Variants in MORC1 observed in about 807,000 individuals in gnomAD.
MORC1 encodes the protein MORC family CW-type zinc finger 1.
In MORC1, 59 loss-of-function variants were observed where a neutral mutation model predicts 134.9. That is an observed-to-expected ratio of 0.44 (90% CI 0.35 to 0.54). The LOEUF (loss-of-function observed/expected upper bound fraction) is 0.54, where lower values mean the gene tolerates loss of function less well. MORC1 is among the 20% of genes least tolerant of loss of function. MORC1 has a pLI of 0.00. For missense variants in MORC1, 947 were observed against 1,134.5 expected, an observed-to-expected ratio of 0.83 and a Z score of 2.37; for synonymous variants, 395 against 391.7, an observed-to-expected ratio of 1.01 and a Z score of -0.10.
intron 14 of MORC1, among the ~76,000 whole-genome samples, chr3:109,054,515 C>G (rs1292944202): frequency 6.6e-6 from 1 of 152,148 alleles, no homozygotes; most frequent in Non-Finnish European, 1.5e-5. Context: ...TTGCCATTCC[C>G]TTGCAATTTC....
chr3:109,032,558 T>C (rs2305237), intron 16 of MORC1, among the ~76,000 whole-genome samples, 162 bp downstream of exon 16: 64,238 of 151,954 alleles, frequency 0.42, 14,282 homozygotes, highest in Middle Eastern at 0.55. Flanking sequence ...AGCACGCCAA[T>C]GAAATAATCT....
intron 15 of MORC1, among the ~76,000 whole-genome samples, chr3:109,033,828 A>G (rs1949304890): frequency 6.6e-6 from 1 of 152,210 alleles, no homozygotes; most frequent in Non-Finnish European, 1.5e-5. Flanking sequence ...AATTCACATT[A>G]TTCTCAAAAC....
At chr3:109,011,502 A>G (rs1462425044) in intron 17 of MORC1, among the ~76,000 whole-genome samples, 2 of 146,704 alleles carry the variant, frequency 1.4e-5, no homozygotes, top group Non-Finnish European at 3.0e-5. Flanking sequence ...TTGTCTTATT[A>G]TTGTTTTTGT....
intron 17 of MORC1, among the ~76,000 whole-genome samples, chr3:109,024,598 G>C (rs1949031691): frequency 6.6e-6 from 1 of 152,194 alleles, no homozygotes; most frequent in African/African-American, 2.4e-5. Flanking sequence ...TTAAGAGATA[G>C]GGTGTGCAGG....
intron 9 of MORC1, among the ~76,000 whole-genome samples, chr3:109,064,151 A>C (rs1437318355): frequency 6.6e-6 from 1 of 152,142 alleles, no homozygotes; most frequent in African/African-American, 2.4e-5. Flanking sequence ...GCGTGTGTAC[A>C]TATATATAAT....
chr3:108,969,139 TG>T (rs1217390517), intron 26 of MORC1, among the ~76,000 whole-genome samples: 6 of 152,154 alleles, frequency 3.9e-5, no homozygotes, highest in African/African-American at 1.2e-4. Context: ...AGAGAAAGGT[TG>T]TAAGGAAATA....
chr3:109,070,311 G>C (rs898562891), intron 8 of MORC1, among the ~76,000 whole-genome samples: 1 of 151,970 alleles, frequency 6.6e-6, no homozygotes, highest in African/African-American at 2.4e-5. Flanking sequence ...CTGACCACAC[G>C]ATAATGAAAA....
In MORC1 at chr3:108,996,935, G is replaced by C. The variant is rs184118902; in HGVS notation, c.2187+3622C>G. On this transcript the variant is annotated intron_variant, in intron 21 of 27. Transcript: ENST00000232603. ...TGAGGCAGGAGAATGGCGTGAACCTGGGAGGCAGAGCTTGCAGTGAGCCAA... is the reference window on the plus strand; with the variant it reads ...TGAGGCAGGAGAATGGCGTGAACCTCGGAGGCAGAGCTTGCAGTGAGCCAA... Among the ~76,000 whole-genome samples the C allele has an allele frequency of 3.0e-3, 451 of 149,634 alleles. 1 individual carries two copies. Among genetic ancestry groups the C allele is most frequent in the Non-Finnish European group, 4.5e-3 (306 of 67,488 alleles).
intron 21 of MORC1, among the ~76,000 whole-genome samples, chr3:108,999,441 T>C (rs1948332048): frequency 6.6e-6 from 1 of 152,186 alleles, no homozygotes; most frequent in African/African-American, 2.4e-5. Flanking sequence ...ATGTTTAAAA[T>C]TTTCCAAAAT....
intron 14 of MORC1, among the ~76,000 whole-genome samples, chr3:109,051,602 C>T (rs1331915163): frequency 2.0e-5 from 3 of 152,136 alleles, no homozygotes; most frequent in Non-Finnish European, 4.4e-5. Context: ...TCTAGAGGAA[C>T]ATCTTTTGTG....
chr3:109,114,212 T>C (rs928768181), intron 2 of MORC1, among the ~76,000 whole-genome samples, 172 bp downstream of exon 2: 3 of 152,200 alleles, frequency 2.0e-5, no homozygotes, highest in Non-Finnish European at 4.4e-5. Flanking sequence ...AGGTGAATAA[T>C]TATTTCTCTC....
At chr3:109,113,689 C>T (rs1951215113) in intron 2 of MORC1, among the ~76,000 whole-genome samples, 1 of 151,862 alleles carries the variant, frequency 6.6e-6, no homozygotes, top group African/African-American at 2.4e-5. Flanking sequence ...AAAAATGAAG[C>T]CCCTCACAAG....
chr3:109,027,982 CTTT>C, intron 16 of MORC1, 93 bp from the exon 17 acceptor site: 1 of 1,353,856 alleles, frequency 7.4e-7, no homozygotes, highest in South Asian at 1.4e-5. Context: ...AGGAGTTACT[CTTT>C]ATGTCATATA....
chr3:109,028,350 G>GT (rs1177098445), intron 16 of MORC1, among the ~76,000 whole-genome samples: 2 of 152,060 alleles, frequency 1.3e-5, no homozygotes, highest in African/African-American at 4.8e-5. Context: ...GTGAAGACCC[G>GT]TGACTACCCG....
intron 14 of MORC1, 58 bp from the exon 15 acceptor site, chr3:109,035,526 A>C: frequency 5.2e-6 from 6 of 1,150,428 alleles, no homozygotes; most frequent in Non-Finnish European, 6.0e-6. Context: ...AATCAAAACA[A>C]TTGGCAAAGG....
intron 21 of MORC1, among the ~76,000 whole-genome samples, 157 bp downstream of exon 21, chr3:109,000,400 T>C (rs1415197111): frequency 6.6e-6 from 1 of 152,214 alleles, no homozygotes; most frequent in Admixed American, 6.5e-5. Flanking sequence ...TATGTAGCCT[T>C]GAGCAAGTAA....
intron 18 of MORC1, 141 bp downstream of exon 18, chr3:109,006,888 G>T: frequency 4.2e-6 from 2 of 479,606 alleles, no homozygotes; most frequent in Non-Finnish European, 7.3e-6. Flanking sequence ...ACTCTAACAA[G>T]AATAAAATGG....
At position 108,997,563 on chromosome 3, in the gene MORC1, G is replaced by A. The variant is rs900374792; in HGVS notation, c.2187+2994C>T. ...AAAAAATTGCTTCAACAGACCACAG[G>A]CCTTAGAATAAAAACAATAAGAGCA... On this transcript the variant is annotated intron_variant, in intron 21 of 27. Coordinates refer to ENST00000232603, the MANE Select transcript of MORC1 (RefSeq NM_014429.4). Among the ~76,000 whole-genome samples the A allele has an allele frequency of 3.3e-5, 5 of 151,976 alleles. No homozygotes were observed. In the East Asian group the frequency reaches 5.8e-4, roughly 18 times the overall value.
intron 9 of MORC1, among the ~76,000 whole-genome samples, chr3:109,065,314 C>T (rs1950172640): frequency 6.6e-6 from 1 of 152,150 alleles, no homozygotes. Flanking sequence ...CAATCTACTT[C>T]GATCTGTTTT....
Sources: allele counts gnomAD v4.1 joint callset (sites outside exome capture counted in the v4.1 genomes callset), GRCh38; gene constraint gnomAD v4.1.1; transcripts MANE v1.5; gene names NCBI Gene and HGNC (gene_info 2026-07-23, HGNC 2026-07-21).